Variants in NRXN1 observed in about 807,000 individuals in gnomAD.
NRXN1 encodes neurexin 1.
Under a neutral mutation model 150.9 loss-of-function variants are expected in NRXN1, and 39 were observed. The observed-to-expected ratio is 0.26, with a 90% CI of 0.20 to 0.34. The LOEUF is 0.34. Ranked by LOEUF, NRXN1 falls within the 10% of genes least tolerant of loss-of-function variation. The pLI is 1.00. For synonymous variants in NRXN1, 924 were observed against 757.0 expected (o/e 1.22, Z -3.62); for missense variants, 1,815 against 1,949.9 (o/e 0.93, Z 1.30).
chr2:49,988,102 C>T (rs1242979627), intron 21 of NRXN1, among the ~76,000 whole-genome samples: 1 of 152,000 alleles, frequency 6.6e-6, no homozygotes, highest in Non-Finnish European at 1.5e-5. Flanking sequence ...ATACATTCAT[C>T]CCTGCTAAAT....
At chr2:50,881,824 T>C (rs1489588233) in intron 5 of NRXN1, among the ~76,000 whole-genome samples, 1 of 151,870 alleles carries the variant, frequency 6.6e-6, no homozygotes, top group Admixed American at 6.6e-5. Context: ...ATTATTCAAA[T>C]GCTGTAGTAA....
chr2:50,101,720 A>G (rs1701002382), intron 18 of NRXN1, among the ~76,000 whole-genome samples: 2 of 152,048 alleles, frequency 1.3e-5, no homozygotes, highest in African/African-American at 2.4e-5. Context: ...TAAGCTACAT[A>G]CAGTAAACTG....
intron 2 of NRXN1, among the ~76,000 whole-genome samples, chr2:50,985,595 C>T (rs1697565210): frequency 6.6e-6 from 1 of 151,212 alleles, no homozygotes; most frequent in African/African-American, 2.4e-5. Flanking sequence ...CTGAAATGTA[C>T]TACAATAATA....
chr2:50,111,796 A>C (rs538126226), intron 18 of NRXN1, among the ~76,000 whole-genome samples: 1 of 152,238 alleles, frequency 6.6e-6, no homozygotes, highest in South Asian at 2.1e-4. Context: ...TGCTGGAAAA[A>C]TCACCTTCCA....
intron 7 of NRXN1, 102 bp downstream of exon 7, chr2:50,621,124 T>C: frequency 9.8e-7 from 1 of 1,023,608 alleles, no homozygotes; most frequent in South Asian, 1.8e-5. Context: ...GTTCCTCTTT[T>C]GTTAATGATG....
chr2:50,648,106 A>T (rs2104533602), intron 5 of NRXN1, among the ~76,000 whole-genome samples: 1 of 152,124 alleles, frequency 6.6e-6, no homozygotes, highest in Non-Finnish European at 1.5e-5. Context: ...ATATGCATGA[A>T]TTATTCCACA....
intron 9 of NRXN1, among the ~76,000 whole-genome samples, chr2:50,551,890 T>C (rs1667596849): frequency 6.6e-6 from 1 of 152,042 alleles, no homozygotes; most frequent in South Asian, 2.1e-4. Context: ...CTCATATTAG[T>C]CAACATCCTA....
chr2:50,696,609 T>C (rs1692919579), intron 5 of NRXN1, among the ~76,000 whole-genome samples: 1 of 152,158 alleles, frequency 6.6e-6, no homozygotes, highest in African/African-American at 2.4e-5. Flanking sequence ...TGAGCAACTA[T>C]TTCTTCTTTT....
chr2:50,641,615 G>T (rs138406891), intron 5 of NRXN1, among the ~76,000 whole-genome samples: 165 of 152,140 alleles, frequency 1.1e-3, no homozygotes, highest in African/African-American at 3.4e-3. Context: ...GCATTCTGTG[G>T]CCTCTTGGTG....
chr2:50,506,865 C>G, intron 12 of NRXN1: 1 of 457,756 alleles, frequency 2.2e-6, no homozygotes, highest in Non-Finnish European at 4.0e-6. Context: ...TCAGGTGTGA[C>G]CATTTAAGAA....
intron 17 of NRXN1, among the ~76,000 whole-genome samples, chr2:50,278,285 A>ATATATATATATTATATATATAAT (rs1558437343): frequency 8.2e-5 from 5 of 60,712 alleles, no homozygotes; most frequent in African/African-American, 3.2e-4. Context: ...TTATATATAT[A>ATATATATATATTATATATATAAT]ATACATATAT....
chr2:50,668,637 T>A (rs1421988584), intron 5 of NRXN1, among the ~76,000 whole-genome samples: 1 of 152,022 alleles, frequency 6.6e-6, no homozygotes, highest in Non-Finnish European at 1.5e-5. Flanking sequence ...CGGCAAACAG[T>A]CTCCTCAATT....
chr2:50,741,356 T>C lies in NRXN1; in HGVS notation c.833-117741A>G, dbSNP rs1233167401. 2.0e-5 allele frequency among the ~76,000 whole-genome samples: 3 copies of C among 152,174 alleles called. No individual in the cohort carries two copies. In the East Asian group the frequency reaches 5.8e-4, roughly 29 times the overall value. The stretch of plus-strand genomic sequence containing the variant: ...TAACTATAAATTCATCTAGACTATC[T>C]ATGACACTTTGCCATGGATATATTT... On this transcript the variant is annotated intron_variant, in intron 5 of 22. Transcript: ENST00000401669.
chr2:50,624,592 C>T (rs1224617869), intron 5 of NRXN1, among the ~76,000 whole-genome samples: 1 of 151,878 alleles, frequency 6.6e-6, no homozygotes, highest in Non-Finnish European at 1.5e-5. Context: ...TGGGAGTAAA[C>T]AGACCTCCTA....
chr2:50,670,232 G>GT (rs1162174242), intron 5 of NRXN1, among the ~76,000 whole-genome samples: 2 of 151,438 alleles, frequency 1.3e-5, no homozygotes, highest in African/African-American at 4.8e-5. Context: ...TGTTCCAAAA[G>GT]TTTGCCATAA....
In NRXN1 at chr2:50,492,148, A is replaced by C. The variant is rs148813006; in HGVS notation, c.3070+3757T>G. ...AAAGAAGGCAGGGCTCAGAAGTCCTAAAATGAATACAAAGCTAGGCTAGGA... is the reference window on the plus strand; with the variant it reads ...AAAGAAGGCAGGGCTCAGAAGTCCTCAAATGAATACAAAGCTAGGCTAGGA... On this transcript the variant is annotated intron_variant, in intron 15 of 22. Transcript: ENST00000401669. Among the ~76,000 whole-genome samples the C allele has an allele frequency of 3.9e-5, 6 of 152,370 alleles. No homozygotes were observed. The East Asian group carries it at 1.2e-3, about 29-fold the overall frequency.
At position 50,124,597 on chromosome 2, in the gene NRXN1, C is replaced by G. The variant is rs1704310961; in HGVS notation, c.3547-33103G>C. On this transcript the variant is annotated intron_variant, in intron 18 of 22. Coordinates refer to ENST00000401669, the MANE Select transcript of NRXN1 (RefSeq NM_001330078.2). The stretch of plus-strand genomic sequence containing the variant: ...CAACATATAAAATATTTCCATCACC[C>G]CCAAAACTTCCATTGTGCCCTGCTG... Among the ~76,000 whole-genome samples, 9 of 152,148 alleles carry G rather than the reference C, an allele frequency of 5.9e-5. No individual in the cohort carries two copies. In the South Asian group the frequency reaches 1.9e-3, roughly 32 times the overall value.
chr2:50,571,019 A>G (rs1420196016), intron 8 of NRXN1, among the ~76,000 whole-genome samples: 1 of 152,146 alleles, frequency 6.6e-6, no homozygotes, highest in East Asian at 1.9e-4. Flanking sequence ...TAACTCAGTA[A>G]ACAAAAACTC....
intron 5 of NRXN1, among the ~76,000 whole-genome samples, chr2:50,716,622 C>T (rs1473501785): frequency 6.6e-6 from 1 of 152,108 alleles, no homozygotes; most frequent in African/African-American, 2.4e-5. Context: ...ATTCTAGTTA[C>T]CTAAATTATC....
Sources: gnomAD v4.1 joint callset for allele counts (sites outside exome capture counted in the v4.1 genomes callset) on GRCh38, gnomAD v4.1.1 for gene constraint, MANE v1.5 for transcripts, NCBI Gene and HGNC (gene_info 2026-07-23, HGNC 2026-07-21) for gene names.